The following TTC13 variants were observed in gnomAD, a reference collection of about 807,000 sequenced individuals.
TTC13 encodes the protein tetratricopeptide repeat domain 13.
A neutral mutation model predicts 120.0 loss-of-function variants in TTC13; 62 were observed. That is an observed-to-expected ratio of 0.52 (90% CI 0.42 to 0.64). TTC13 has a LOEUF of 0.64. Among genes scored for constraint, TTC13 ranks in the 30% least tolerant of loss-of-function variants. The probability of loss-of-function intolerance (pLI) is 0.00; values close to 1 mark genes in which losing one functional copy is unlikely to be tolerated. For missense variants in TTC13, 824 were observed against 1,050.2 expected, an observed-to-expected ratio of 0.78 and a Z score of 2.98; for synonymous variants, 384 against 393.5, an observed-to-expected ratio of 0.98 and a Z score of 0.28.
intron 15 of TTC13, among the ~76,000 whole-genome samples, chr1:230,922,865 A>G (rs954076555): frequency 1.3e-5 from 2 of 152,142 alleles, no homozygotes; most frequent in Non-Finnish European, 2.9e-5. Context: ...TGTATCCCCA[A>G]CACACAGCAC....
chr1:230,926,362 C>T (rs1673049966), intron 12 of TTC13, among the ~76,000 whole-genome samples: 1 of 152,094 alleles, frequency 6.6e-6, no homozygotes, highest in Admixed American at 6.5e-5. Context: ...TAAATTCTCC[C>T]AGCGATTAGT....
intron 14 of TTC13, among the ~76,000 whole-genome samples, chr1:230,924,250 A>G (rs1361452291): frequency 6.6e-6 from 1 of 152,254 alleles, no homozygotes; most frequent in East Asian, 1.9e-4. Flanking sequence ...GAGGTACCAC[A>G]GGTAATGGAT....
At chr1:230,943,437 T>C (rs995677928) in intron 6 of TTC13, among the ~76,000 whole-genome samples, 1 of 152,130 alleles carries the variant, frequency 6.6e-6, no homozygotes, top group Non-Finnish European at 1.5e-5. Context: ...TGTAGGGACA[T>C]GGATGAAACT....
At position 230,920,372 on chromosome 1, in the gene TTC13, T is replaced by C. The variant is rs1292452507; in HGVS notation, c.1983+138A>G. 3 of 563,640 alleles carry C rather than the reference T, an allele frequency of 5.3e-6. No homozygotes were observed. In the African/African-American group the frequency reaches 5.9e-5, roughly 11 times the overall value. 34.9% of individuals were successfully genotyped at this position (563,640 alleles called of 1,614,324 possible). A position where few individuals can be genotyped will look rare whatever the true frequency, so the allele number is the denominator to read the frequency against. On this transcript the variant is annotated intron_variant, in intron 17 of 22. Coordinates refer to ENST00000366661, the MANE Select transcript of TTC13 (RefSeq NM_024525.5). ...TGAGTCTGATGCCTGTAGGTTCTTT[T>C]ATTTTGGTTATTATTCAGAATGTGT...
At chr1:230,949,173 A>G (rs182612142) in intron 4 of TTC13, among the ~76,000 whole-genome samples, 1 of 151,938 alleles carries the variant, frequency 6.6e-6, no homozygotes, top group East Asian at 2.0e-4. Context: ...ACAGAAGACA[A>G]AGATTTGCCT....
intron 4 of TTC13, among the ~76,000 whole-genome samples, chr1:230,948,308 T>C (rs987242229): frequency 2.1e-5 from 3 of 141,374 alleles, no homozygotes; most frequent in Non-Finnish European, 3.1e-5. Flanking sequence ...TCTGATATTT[T>C]CTAGTCCAGC....
At chr1:230,968,146 T>G (rs1269398670) in intron 1 of TTC13, among the ~76,000 whole-genome samples, 1 of 87,486 alleles carries the variant, frequency 1.1e-5, no homozygotes, top group Admixed American at 1.6e-4. Context: ...TTTATTCTTC[T>G]TTTTTTTATC....
At chr1:230,958,937 G>C (rs1676365202) in intron 2 of TTC13, among the ~76,000 whole-genome samples, 1 of 152,222 alleles carries the variant, frequency 6.6e-6, no homozygotes, top group Admixed American at 6.5e-5. Flanking sequence ...CGAGGCTGCA[G>C]GGAGCCCTGA....
At chr1:230,924,760 C>A in intron 14 of TTC13, 81 bp downstream of exon 14, 1 of 1,535,682 alleles carries the variant, frequency 6.5e-7, no homozygotes, top group Non-Finnish European at 8.9e-7. Flanking sequence ...AAACAGGGTT[C>A]ATAGCCTGTT....
chr1:230,925,817 A>G (rs1162728231), intron 12 of TTC13, among the ~76,000 whole-genome samples, 170 bp from the exon 13 acceptor site: 1 of 152,186 alleles, frequency 6.6e-6, no homozygotes, highest in Non-Finnish European at 1.5e-5. Context: ...CTTAAAAGGG[A>G]ATCTCTATGA....
At position 230,916,261 on chromosome 1, in the gene TTC13, T is replaced by C; in HGVS notation, c.2025A>G (p.Thr675=). ...CTTGGTCTTTAAGGCTGGGAACTTT[T>C]GTGTTCACGGTGAACCCATCCTTCG... ...TKTKDGFTVN[T]KVPSLKDQGK... Residue 675 remains threonine (T), a synonymous_variant, in exon 18 of 23, where the codon ACA becomes ACG. Transcript: ENST00000366661. The C allele has an allele frequency of 6.2e-7, 1 of 1,614,222 alleles. No homozygotes were observed.
At chr1:230,907,969 C>G (rs1011902923) in intron 22 of TTC13, among the ~76,000 whole-genome samples, 7 of 152,246 alleles carry the variant, frequency 4.6e-5, no homozygotes, top group African/African-American at 1.7e-4. Context: ...TGCTAGACTC[C>G]TCACACACAG....
At chr1:230,949,979 C>T (rs1299011193) in intron 4 of TTC13, among the ~76,000 whole-genome samples, 1 of 152,150 alleles carries the variant, frequency 6.6e-6, no homozygotes, top group African/African-American at 2.4e-5. Context: ...GAATTTTTTC[C>T]TAACAGTCAA....
At chr1:230,947,206 T>C (rs1463355690) in intron 4 of TTC13, among the ~76,000 whole-genome samples, 2 of 152,004 alleles carry the variant, frequency 1.3e-5, no homozygotes, top group South Asian at 2.1e-4. Flanking sequence ...CCCCCAGAGA[T>C]AAGCACTTTA....
chr1:230,977,136 C>T (rs1465653566), intron 1 of TTC13, among the ~76,000 whole-genome samples: 1 of 152,146 alleles, frequency 6.6e-6, no homozygotes, highest in Non-Finnish European at 1.5e-5. Context: ...TCAGTTTGTT[C>T]ATCTGAGAAA....
At chr1:230,927,531 C>T (rs916514694) in intron 12 of TTC13, among the ~76,000 whole-genome samples, 2 of 152,074 alleles carry the variant, frequency 1.3e-5, no homozygotes, top group South Asian at 2.1e-4. Context: ...GTCTTTTGCA[C>T]ACTTTTCTAT....
rs552610261 is a variant in TTC13, at chr1:230,925,009, T to C, written c.1589-36A>G. The C allele has an allele frequency of 1.9e-5, 31 of 1,611,522 alleles. No individual in the cohort carries two copies. In the African/African-American group the frequency reaches 3.6e-4, roughly 19 times the overall value. ...GGAATATCGAGAAGAGTTAGTACAC[T>C]TTAGAGGGACTGAGTTCCACCTACT... On this transcript the variant is annotated intron_variant, in intron 13 of 22. Transcript: ENST00000366661.
intron 15 of TTC13, 34 bp from the exon 16 acceptor site, chr1:230,921,538 T>G (rs1011074072): frequency 2.6e-6 from 3 of 1,144,966 alleles, no homozygotes; most frequent in Non-Finnish European, 3.7e-6. Context: ...TAAGAATATT[T>G]TTATAGAAGA....
chr1:230,925,354 C>G (rs990979342), intron 13 of TTC13, among the ~76,000 whole-genome samples, 163 bp downstream of exon 13: 13 of 152,216 alleles, frequency 8.5e-5, no homozygotes, highest in Non-Finnish European at 2.9e-5. Context: ...AAGCAGTCTT[C>G]TTTCAGAATT....
Sources: gnomAD v4.1 joint callset for allele counts (sites outside exome capture counted in the v4.1 genomes callset) on GRCh38, gnomAD v4.1.1 for gene constraint, MANE v1.5 for transcripts, NCBI Gene and HGNC (gene_info 2026-07-23, HGNC 2026-07-21) for gene names.